DSG4: variants seen among roughly 807,000 people sequenced by gnomAD.
The protein encoded by DSG4 is desmoglein-4.
In DSG4, 87 loss-of-function variants were observed where a neutral mutation model predicts 93.1. The ratio of observed to expected loss-of-function variants is 0.93; its 90% CI spans 0.79 to 1.12. The LOEUF (loss-of-function observed/expected upper bound fraction) is 1.12. DSG4 is among the 50% of genes most tolerant of loss of function. DSG4 has a pLI of 0.00. For missense variants in DSG4, 1,373 were observed against 1,285.7 expected, an observed-to-expected ratio of 1.07 and a Z score of -1.04; for synonymous variants, 432 against 452.9, an observed-to-expected ratio of 0.95 and a Z score of 0.59.
chr18:31,405,945 G>C (rs1598750102), intron 11 of DSG4, 132 bp from the exon 12 acceptor site: 1 of 816,334 alleles, frequency 1.2e-6, no homozygotes, highest in Non-Finnish European at 1.9e-6. Context: ...AAAAGTACAA[G>C]GTGCTTTATG....
At chr18:31,402,869 TTTTCAGAAATGCCA>T (rs1373992923) in intron 10 of DSG4, among the ~76,000 whole-genome samples, 1 of 152,202 alleles carries the variant, frequency 6.6e-6, no homozygotes, top group East Asian at 1.9e-4. Context: ...CTTATATTTG[TTTTCAGAAATGCCA>T]TTTCAGAAAG....
At position 31,413,291 on chromosome 18, in the gene DSG4, T is replaced by A. The variant is rs2072518235; in HGVS notation, c.2819T>A (p.Met940Lys). 1 of 1,614,058 alleles carries A rather than the reference T, an allele frequency of 6.2e-7. No homozygotes were observed. Among genetic ancestry groups the A allele is most frequent in the African/African-American group, 1.3e-5 (1 of 74,912 alleles). ...AATGTTGTAGTAACCGAAGCAGTAA[T>A]GGCACCTGTCTATGATATTCAAGGG... ...APNVVVTEAV[M>K]APVYDIQGNI... Residue 940 changes from methionine to lysine, a missense_variant, in exon 16 of 16, where the codon ATG becomes AAG. By Grantham distance (95) the Met-to-Lys change is moderately conservative (BLOSUM62 -1). Coordinates refer to ENST00000308128, the MANE Select transcript of DSG4 (RefSeq NM_177986.5).
rs767903793 is a variant in DSG4 at position 31,406,148 on chromosome 18, GACAGCTATA to G, written c.1713_1721del (p.Ser571_Asn573del). Reference sequence around the variant, plus strand: ...TTATGAAATCCCAATCCTGGTGAAGGACAGCTATAACAGAGCATGTGAATTGGCACAAAT... The same window carrying G: ...TTATGAAATCCCAATCCTGGTGAAGGACAGAGCATGTGAATTGGCACAAAT... On this transcript the variant is annotated inframe_deletion, in exon 12 of 16. Transcript: ENST00000308128. The G allele has an allele frequency of 6.2e-7, 1 of 1,614,092 alleles. No homozygotes were observed. The highest frequency in any genetic ancestry group is 1.1e-5 in the South Asian group (1 of 91,074).
rs760021293 is a variant in DSG4 at position 31,388,997 on chromosome 18, A to G, written c.496A>G (p.Ile166Val). 1 of 1,613,216 alleles carries G rather than the reference A, an allele frequency of 6.2e-7. No homozygotes were observed. The highest frequency in any genetic ancestry group is 1.1e-5 in the South Asian group (1 of 91,054). ...TTCGCAAAGTGTATACACAGCCAGC[A>G]TTGAAGAAAATAGTGATGCCAGTAA... ...VFSQSVYTAS[I>V]EENSDANTLV... The change falls in exon 5 of 16, where the codon ATT (isoleucine) becomes GTT (valine). Residue 166 changes from isoleucine to valine, a missense_variant. Ile to Val is a conservative substitution (Grantham distance 29, BLOSUM62 3). Transcript: ENST00000308128.
chr18:31,409,591 G>A lies in DSG4; in HGVS notation c.2073G>A (p.Arg691=), dbSNP rs776410262. The change falls in exon 13 of 16, where the codon AGG becomes AGA. Residue 691 remains arginine, a splice_region_variant and synonymous_variant. Coordinates refer to ENST00000308128, the MANE Select transcript of DSG4 (RefSeq NM_177986.5). The stretch of plus-strand genomic sequence containing the variant: ...TTGAAGGGGCCCATCCCGAGGACAG[G>A]GTAAGTGGACTGTCACTCTCCAGAG... The part of the protein sequence containing the change: ...WRIEGAHPED[R]DVSNICAPMT... The A allele has an allele frequency of 1.9e-6, 3 of 1,614,156 alleles. No homozygotes were observed. Among genetic ancestry groups the A allele is most frequent in the Admixed American group, 3.3e-5 (2 of 60,018 alleles).
intron 8 of DSG4, among the ~76,000 whole-genome samples, chr18:31,394,727 A>G (rs1326318741): frequency 6.6e-6 from 1 of 152,106 alleles, no homozygotes; most frequent in Non-Finnish European, 1.5e-5. Flanking sequence ...GCCAAATACA[A>G]TACAAAGAGG....
chr18:31,391,173 A>G lies in DSG4; in HGVS notation c.780A>G (p.Leu260=). Residue 260 remains leucine (L), a synonymous_variant, in exon 7 of 16, where the codon TTA becomes TTG. Coordinates refer to ENST00000308128, the MANE Select transcript of DSG4 (RefSeq NM_177986.5). The part of the protein sequence containing the change: ...SSECDCRIKV[L]DVNDNFPTLE... ...AGTGTGACTGTAGAATCAAGGTTTT[A>G]GACGTCAACGATAATTTCCCCACCT... 1 of 1,613,744 alleles carries G rather than the reference A, an allele frequency of 6.2e-7. No homozygotes were observed. The highest frequency in any genetic ancestry group is 8.5e-7 in the Non-Finnish European group (1 of 1,179,710).
Position 31,385,314 on chromosome 18 carries a change from G to A in DSG4, c.84+143G>A, listed in dbSNP as rs141684324. Reference sequence around the variant, plus strand: ...GAGAAAGAACTAGTGAACTGAAATAGCGATGGTAAAATCCATGCTCCCAAA... The same window carrying A: ...GAGAAAGAACTAGTGAACTGAAATAACGATGGTAAAATCCATGCTCCCAAA... On this transcript the variant is annotated intron_variant, in intron 2 of 15. Transcript: ENST00000308128. The A allele has an allele frequency of 1.6e-5, 10 of 631,796 alleles. No homozygotes were observed. In the African/African-American group the frequency reaches 1.8e-4, roughly 12 times the overall value. 39.1% of individuals were successfully genotyped at this position (631,796 alleles called of 1,614,324 possible). A position where few individuals can be genotyped will look rare whatever the true frequency, so the allele number is the denominator to read the frequency against.
intron 11 of DSG4, 75 bp downstream of exon 11, chr18:31,403,709 AC>A: frequency 7.7e-7 from 1 of 1,302,202 alleles, no homozygotes; most frequent in Non-Finnish European, 1.1e-6. Flanking sequence ...GTGGCAAGTC[AC>A]TTAATAAAAC....
At chr18:31,412,260 C>T (rs2072503008) in intron 15 of DSG4, among the ~76,000 whole-genome samples, 1 of 152,070 alleles carries the variant, frequency 6.6e-6, no homozygotes, top group African/African-American at 2.4e-5. Flanking sequence ...GTGAAATATG[C>T]CAGGCACAGA....
chr18:31,378,207 T>C (rs1052460164), intron 1 of DSG4, among the ~76,000 whole-genome samples: 1 of 152,214 alleles, frequency 6.6e-6, no homozygotes, highest in Non-Finnish European at 1.5e-5. Context: ...CTTAAAAACA[T>C]AAGACGAAGG....
Position 31,411,351 on chromosome 18 carries a change from C to T in DSG4, c.2258C>T (p.Ser753Leu). Residue 753 changes from serine (S) to leucine (L), a missense_variant, in exon 15 of 16, where the codon TCA (serine) becomes TTA (leucine). By Grantham distance (145) the Ser-to-Leu change is moderately radical. Coordinates refer to ENST00000308128, the MANE Select transcript of DSG4 (RefSeq NM_177986.5). ...GLMAAGAAGA[S>L]GAARKRSSTM... ...ATGGCCGCAGGGGCCGCAGGAGCCT[C>T]AGGGGCCGCAAGGAAGAGGAGCTCT... is the stretch of plus-strand genomic sequence containing the variant. 1 of 1,614,120 alleles carries T rather than the reference C, an allele frequency of 6.2e-7. No homozygotes were observed. Among genetic ancestry groups the T allele is most frequent in the South Asian group, 1.1e-5 (1 of 91,078 alleles).
intron 8 of DSG4, among the ~76,000 whole-genome samples, chr18:31,392,985 T>C (rs566860945): frequency 6.6e-6 from 1 of 152,298 alleles, no homozygotes; most frequent in African/African-American, 2.4e-5. Flanking sequence ...CGGCTTTGAT[T>C]TTTTTCTATA....
At chr18:31,396,856 G>A (rs1326798706) in intron 8 of DSG4, among the ~76,000 whole-genome samples, 1 of 152,122 alleles carries the variant, frequency 6.6e-6, no homozygotes, top group East Asian at 1.9e-4. Context: ...AGCATGCCGA[G>A]ACTTTTCTTC....
rs764182925 is a variant in DSG4 at position 31,399,447 on chromosome 18, T to A, written c.1181T>A (p.Val394Glu). 1 of 1,613,950 alleles carries A rather than the reference T, an allele frequency of 6.2e-7. No homozygotes were observed. Among genetic ancestry groups the A allele is most frequent in the African/African-American group, 1.3e-5 (1 of 74,920 alleles). ...AFHPSTMAFSVREGIKGSSLL... is the reference protein window; with the variant it reads ...AFHPSTMAFSEREGIKGSSLL... ...CATCCAAGTACTATGGCTTTTAGTG[T>A]GCGGGAAGGAATAAAAGGAAGTTCC... The change falls in exon 9 of 16, where the codon GTG (valine) becomes GAG (glutamate). Residue 394 changes from valine (V) to glutamate (E), a missense_variant. Transcript: ENST00000308128.
chr18:31,392,313 C>T lies in DSG4; in HGVS notation c.978C>T (p.Thr326=), dbSNP rs756223021. The T allele has an allele frequency of 1.2e-6, 2 of 1,613,494 alleles. No individual in the cohort carries two copies. The highest frequency in any genetic ancestry group is 1.7e-5 in the Admixed American group (1 of 59,968). The change falls in exon 8 of 16, where the codon ACC becomes ACT. Residue 326 remains threonine, a synonymous_variant. Transcript: ENST00000308128. ...NWFDIQTDPQ[T]NEGILKVVKM... is the part of the protein sequence containing the mutation. ...TCGATATTCAAACAGATCCACAAAC[C>T]AATGAAGGCATTTTGAAAGTTGTCA...
At chr18:31,402,413 T>C (rs964328735) in intron 10 of DSG4, among the ~76,000 whole-genome samples, 2 of 152,164 alleles carry the variant, frequency 1.3e-5, no homozygotes, top group African/African-American at 2.4e-5. Flanking sequence ...TGTGGAATAA[T>C]CTGATGCCTC....
chr18:31,377,263 G>T (rs1168566541), intron 1 of DSG4, among the ~76,000 whole-genome samples: 2 of 152,150 alleles, frequency 1.3e-5, no homozygotes. Context: ...CATATTCTAT[G>T]ATCATATAAA....
intron 8 of DSG4, among the ~76,000 whole-genome samples, chr18:31,396,023 A>G (rs184349550): frequency 1.3e-5 from 2 of 152,320 alleles, no homozygotes; most frequent in East Asian, 3.9e-4. Flanking sequence ...ACAGTTTAAC[A>G]AGAGAAAGAT....
Sources: gnomAD v4.1 joint callset for allele counts (sites outside exome capture counted in the v4.1 genomes callset) on GRCh38, gnomAD v4.1.1 for gene constraint, MANE v1.5 for transcripts, NCBI Gene and HGNC (gene_info 2026-07-23, HGNC 2026-07-21) for gene names.